The following CSMD1 variants were observed in gnomAD, a reference collection of about 807,000 sequenced individuals.
The protein encoded by CSMD1 is CUB and Sushi multiple domains 1, also known as CUB and sushi domain-containing protein 1.
CSMD1 carries 213 observed loss-of-function variants against 417.5 expected under a neutral mutation model. The ratio of observed to expected loss-of-function variants is 0.51; its 90% CI spans 0.46 to 0.57. The LOEUF (loss-of-function observed/expected upper bound fraction) is 0.57. Ranked by LOEUF, CSMD1 falls within the 20% of genes least tolerant of loss-of-function variation. CSMD1 has a pLI of 0.00. For synonymous variants in CSMD1, 2,862 were observed against 1,736.8 expected, an observed-to-expected ratio of 1.65 and a Z score of -16.11; for missense variants, 6,923 against 4,529.7, an observed-to-expected ratio of 1.53 and a Z score of -15.17.
chr8:3,752,825 C>T (rs1797427000), intron 6 of CSMD1, among the ~76,000 whole-genome samples: 1 of 152,116 alleles, frequency 6.6e-6, no homozygotes, highest in South Asian at 2.1e-4. Flanking sequence ...CTTCTCAGCA[C>T]CCTCTGCATT....
chr8:4,624,804 G>C (rs1447507689), intron 2 of CSMD1, among the ~76,000 whole-genome samples: 1 of 152,146 alleles, frequency 6.6e-6, no homozygotes, highest in Non-Finnish European at 1.5e-5. Context: ...AGTCCAGAAA[G>C]TGACCCACAC....
chr8:4,004,810 T>C (rs912226334), intron 4 of CSMD1, among the ~76,000 whole-genome samples: 1 of 152,150 alleles, frequency 6.6e-6, no homozygotes, highest in African/African-American at 2.4e-5. Flanking sequence ...AGTGGCGCGA[T>C]CTTGGCTCAC....
At chr8:3,540,458 G>C (rs1798390226) in intron 10 of CSMD1, among the ~76,000 whole-genome samples, 1 of 152,142 alleles carries the variant, frequency 6.6e-6, no homozygotes, top group Non-Finnish European at 1.5e-5. Flanking sequence ...ATACTATTCA[G>C]GACATAGTCA....
At chr8:4,681,808 A>T (rs1806069972) in intron 1 of CSMD1, among the ~76,000 whole-genome samples, 1 of 152,182 alleles carries the variant, frequency 6.6e-6, no homozygotes, top group Non-Finnish European at 1.5e-5. Flanking sequence ...AATTTTAAGA[A>T]AGTCATAAAA....
In CSMD1 at chr8:4,741,013, T is replaced by C. The variant is rs531177742; in HGVS notation, c.86-103455A>G. 1.6e-3 allele frequency among the ~76,000 whole-genome samples: 251 copies of C among 152,346 alleles called. 2 individuals are homozygous for C. Among genetic ancestry groups the C allele is most frequent in the African/African-American group, 5.8e-3 (242 of 41,580 alleles). ...GGAAGACACATAAAAAATAATTTAC[T>C]AGAACCGAAAGTCCTAGTAATTGCT... On this transcript the variant is annotated intron_variant, in intron 1 of 69. Coordinates refer to ENST00000635120, the MANE Select transcript of CSMD1 (RefSeq NM_033225.6).
chr8:3,925,561 C>T lies in CSMD1; in HGVS notation c.818+72342G>A, dbSNP rs964537822. On this transcript the variant is annotated intron_variant, in intron 5 of 69. Transcript: ENST00000635120. ...TCCCAGGTGTTGTGAGAGGGACCCA[C>T]GGTGAGGTAACTGAATCGTGGAGAC... Among the ~76,000 whole-genome samples, 22 of 152,238 alleles carry T rather than the reference C, an allele frequency of 1.4e-4. No individual in the cohort carries two copies. In the East Asian group the frequency reaches 1.7e-3, roughly 12 times the overall value.
intron 2 of CSMD1, among the ~76,000 whole-genome samples, chr8:4,566,748 G>A (rs1279222767): frequency 6.6e-5 from 10 of 151,140 alleles, no homozygotes; most frequent in Admixed American, 2.6e-4. Flanking sequence ...GGTGGAATGT[G>A]CACTTTATAT....
chr8:3,849,625 G>C (rs545521412), intron 5 of CSMD1, among the ~76,000 whole-genome samples: 1 of 152,116 alleles, frequency 6.6e-6, no homozygotes, highest in African/African-American at 2.4e-5. Context: ...GTCTGCTGGA[G>C]CCTACCTGGG....
chr8:3,290,051 C>T lies in CSMD1; in HGVS notation c.3951-5705G>A, dbSNP rs1803434829. Among the ~76,000 whole-genome samples the T allele has an allele frequency of 2.0e-5, 3 of 147,076 alleles. 1 individual carries two copies. Among genetic ancestry groups the T allele is most frequent in the Admixed American group, 2.0e-4 (3 of 14,924 alleles). The stretch of plus-strand genomic sequence containing the variant: ...GTTTCAGCTTTCTACATATGGCTAG[C>T]CAGTTTTCCCAGCACCATTTATTAA... On this transcript the variant is annotated intron_variant, in intron 25 of 69. Coordinates refer to ENST00000635120, the MANE Select transcript of CSMD1 (RefSeq NM_033225.6).
At chr8:4,763,678 T>G (rs554633901) in intron 1 of CSMD1, among the ~76,000 whole-genome samples, 1 of 152,334 alleles carries the variant, frequency 6.6e-6, no homozygotes, top group East Asian at 1.9e-4. Context: ...AGATTGAGTT[T>G]CAAGCAAGTT....
intron 26 of CSMD1, among the ~76,000 whole-genome samples, chr8:3,257,756 G>A (rs1019198098): frequency 7.2e-5 from 11 of 152,124 alleles, no homozygotes; most frequent in Admixed American, 5.9e-4. Flanking sequence ...GGCTGGAGCT[G>A]AGAAGGGGGT....
At chr8:4,350,585 C>T (rs1236965000) in intron 3 of CSMD1, among the ~76,000 whole-genome samples, 1 of 152,122 alleles carries the variant, frequency 6.6e-6, no homozygotes, top group African/African-American at 2.4e-5. Flanking sequence ...CACTTCCACG[C>T]TTACAATGAG....
chr8:4,757,364 C>A (rs749050576), intron 1 of CSMD1, among the ~76,000 whole-genome samples: 1 of 152,142 alleles, frequency 6.6e-6, no homozygotes, highest in African/African-American at 2.4e-5. Context: ...CCAACTCAGT[C>A]TTTAAGATGA....
At chr8:3,607,124 C>A (rs1351433955) in intron 8 of CSMD1, among the ~76,000 whole-genome samples, 1 of 152,110 alleles carries the variant, frequency 6.6e-6, no homozygotes, top group Non-Finnish European at 1.5e-5. Flanking sequence ...ATTTCACAAG[C>A]TTTTTTCTAT....
chr8:4,721,769 G>A (rs1299230910), intron 1 of CSMD1, among the ~76,000 whole-genome samples: 1 of 152,026 alleles, frequency 6.6e-6, no homozygotes, highest in Non-Finnish European at 1.5e-5. Context: ...TGTTCACTGA[G>A]GTATCATTCA....
intron 2 of CSMD1, among the ~76,000 whole-genome samples, chr8:4,474,011 C>G (rs1800670414): frequency 6.6e-6 from 1 of 151,944 alleles, no homozygotes; most frequent in African/African-American, 2.4e-5. Context: ...TCAGAAAGAC[C>G]CAATCCATTA....
intron 6 of CSMD1, among the ~76,000 whole-genome samples, chr8:3,736,446 C>T (rs749465593): frequency 7.2e-5 from 11 of 152,092 alleles, no homozygotes; most frequent in Non-Finnish European, 1.2e-4. Context: ...GGTCTCACTA[C>T]GTGGTCCAGG....
intron 2 of CSMD1, among the ~76,000 whole-genome samples, chr8:4,437,573 A>G (rs1265162845): frequency 1.3e-5 from 2 of 152,198 alleles, no homozygotes; most frequent in South Asian, 2.1e-4. Flanking sequence ...TGAGCAGACT[A>G]TCAGGTTTAA....
At chr8:4,086,900 A>G (rs1264527703) in intron 3 of CSMD1, among the ~76,000 whole-genome samples, 3 of 152,206 alleles carry the variant, frequency 2.0e-5, no homozygotes, top group Admixed American at 6.5e-5. Flanking sequence ...GTTGGCAACA[A>G]TCAGGCAAGG....
Sources: allele counts gnomAD v4.1 joint callset (sites outside exome capture counted in the v4.1 genomes callset), GRCh38; gene constraint gnomAD v4.1.1; transcripts MANE v1.5; gene names NCBI Gene and HGNC (gene_info 2026-07-23, HGNC 2026-07-21).